The following RAVER2 variants were observed in gnomAD, a reference collection of about 807,000 sequenced individuals.
RAVER2 encodes the protein ribonucleoprotein, PTB binding 2.
Under a neutral mutation model 78.1 loss-of-function variants are expected in RAVER2, and 46 were observed. That is an observed-to-expected ratio of 0.59 (90% CI 0.46 to 0.75). The LOEUF is 0.75. Among genes scored for constraint, RAVER2 ranks in the 30% least tolerant of loss-of-function variants. RAVER2 has a pLI of 0.00. For synonymous variants in RAVER2, 311 were observed against 313.3 expected (o/e 0.99, Z 0.08); for missense variants, 793 against 837.5 (o/e 0.95, Z 0.66).
chr1:64,763,299 A>G (rs1249586631), intron 1 of RAVER2, among the ~76,000 whole-genome samples: 1 of 152,216 alleles, frequency 6.6e-6, no homozygotes, highest in Non-Finnish European at 1.5e-5. Flanking sequence ...TCCATCTCAA[A>G]AAAAAGAAAA....
At position 64,750,483 on chromosome 1, in the gene RAVER2, T is replaced by A. The variant is rs557221996; in HGVS notation, c.249+5062T>A. ...ACCACTGTGTCCAGCTAATATTTTT[T>A]AATTTTTTGTAGAGACACGGTCTCT... On this transcript the variant is annotated intron_variant, in intron 1 of 11. Coordinates refer to ENST00000294428, the Ensembl canonical transcript of RAVER2. Among the ~76,000 whole-genome samples, 19 of 152,146 alleles carry A rather than the reference T, an allele frequency of 1.2e-4. No homozygotes were observed. The South Asian group carries it at 3.7e-3, about 30-fold the overall frequency.
intron 11 of RAVER2, among the ~76,000 whole-genome samples, chr1:64,828,170 C>T (rs1199749231): frequency 7.7e-6 from 1 of 129,464 alleles, no homozygotes; most frequent in East Asian, 2.8e-4. Context: ...CCCCCCACCC[C>T]CCGCCCATTT....
At chr1:64,770,812 G>A (rs538491711) in intron 2 of RAVER2, among the ~76,000 whole-genome samples, 33 of 152,000 alleles carry the variant, frequency 2.2e-4, no homozygotes, top group African/African-American at 7.2e-4. Flanking sequence ...ACACTGGATA[G>A]GATTAATGGC....
chr1:64,826,414 A>G (rs763789096), intron 11 of RAVER2, among the ~76,000 whole-genome samples: 97 of 152,194 alleles, frequency 6.4e-4, no homozygotes, highest in Non-Finnish European at 1.3e-3. Context: ...TGCCACATGA[A>G]TATCTATGTA....
chr1:64,753,411 T>A (rs1223272765), intron 1 of RAVER2, among the ~76,000 whole-genome samples: 1 of 152,172 alleles, frequency 6.6e-6, no homozygotes, highest in Non-Finnish European at 1.5e-5. Context: ...GGTATCCTAT[T>A]CCATCTTCAG....
chr1:64,831,029 C>CTCTGCTGTTCA (rs1553156982), exon 12 of RAVER2: 1 of 1,563,456 alleles, frequency 6.4e-7, no homozygotes, highest in Non-Finnish European at 8.7e-7. Context: ...TCTGCAGTAT[C>CTCTGCTGTTCA]TCTGCTGTTC....
chr1:64,808,551 T>C (rs1415105338), intron 9 of RAVER2, among the ~76,000 whole-genome samples: 3 of 142,558 alleles, frequency 2.1e-5, no homozygotes, highest in Admixed American at 7.5e-5. Flanking sequence ...AACCTCTGCC[T>C]CCTGGGTTCA....
chr1:64,819,950 G>T (rs1653844237), intron 11 of RAVER2, among the ~76,000 whole-genome samples: 1 of 152,088 alleles, frequency 6.6e-6, no homozygotes, highest in South Asian at 2.1e-4. Flanking sequence ...AAACATGCAG[G>T]TGACTAAAAA....
At chr1:64,794,744 A>G (rs1403617127) in intron 5 of RAVER2, among the ~76,000 whole-genome samples, 2 of 152,080 alleles carry the variant, frequency 1.3e-5, no homozygotes, top group African/African-American at 4.8e-5. Context: ...TTTTACATAC[A>G]AGTACTCTGT....
chr1:64,787,735 C>T (rs1317165687), intron 4 of RAVER2, among the ~76,000 whole-genome samples: 1 of 152,182 alleles, frequency 6.6e-6, no homozygotes, highest in Non-Finnish European at 1.5e-5. Flanking sequence ...GTTTTCCCAC[C>T]TCACTGTCCT....
chr1:64,790,877 G>A (rs552604931), intron 5 of RAVER2, among the ~76,000 whole-genome samples: 1 of 152,158 alleles, frequency 6.6e-6, no homozygotes, highest in African/African-American at 2.4e-5. Context: ...TAACTACCTG[G>A]AGTTAGCACA....
At chr1:64,777,641 A>G in exon 3 of RAVER2, 4 of 1,609,464 alleles carry the variant, frequency 2.5e-6, no homozygotes, top group South Asian at 1.1e-5. Context: ...ACCTTATTGA[A>G]TGGGGAACAA....
At chr1:64,748,805 C>T (rs1000616859) in intron 1 of RAVER2, among the ~76,000 whole-genome samples, 1 of 151,996 alleles carries the variant, frequency 6.6e-6, no homozygotes, top group African/African-American at 2.4e-5. Flanking sequence ...GTGTGTTGGC[C>T]CCTGCCTACG....
chr1:64,776,941 AT>A (rs953069249), intron 2 of RAVER2, among the ~76,000 whole-genome samples: 2 of 152,118 alleles, frequency 1.3e-5, no homozygotes, highest in Admixed American at 6.6e-5. Flanking sequence ...AGGGCAGACT[AT>A]TTTTATTGTT....
chr1:64,750,846 T>G (rs1570521538), intron 1 of RAVER2, among the ~76,000 whole-genome samples: 1 of 152,374 alleles, frequency 6.6e-6, no homozygotes, highest in East Asian at 1.9e-4. Flanking sequence ...CTAATGCAAT[T>G]AAACAGAATT....
intron 1 of RAVER2, among the ~76,000 whole-genome samples, chr1:64,753,813 T>A (rs1348548397): frequency 6.6e-6 from 1 of 152,160 alleles, no homozygotes; most frequent in Non-Finnish European, 1.5e-5. Flanking sequence ...TGAGCCACCG[T>A]GCCCGGCCTC....
intron 5 of RAVER2, among the ~76,000 whole-genome samples, chr1:64,795,788 T>C (rs1013718084): frequency 1.1e-4 from 16 of 152,082 alleles, no homozygotes; most frequent in Admixed American, 7.2e-4. Flanking sequence ...GTATGGCTTC[T>C]ATTTTTTTCC....
At chr1:64,753,440 A>G (rs1237390707) in intron 1 of RAVER2, among the ~76,000 whole-genome samples, 2 of 152,054 alleles carry the variant, frequency 1.3e-5, no homozygotes, top group African/African-American at 4.8e-5. Flanking sequence ...CTTTGTTATA[A>G]AGGTCTTATT....
chr1:64,804,265 C>A lies in RAVER2; in HGVS notation c.1192-469C>A, dbSNP rs547552092. On this transcript the variant is annotated intron_variant, in intron 6 of 11. Coordinates refer to ENST00000294428, the Ensembl canonical transcript of RAVER2. ...TTCCTCCACTATTTGTTCTTATAGC[C>A]CCCTGTATTTTTCCTTCATGTGATT... is the stretch of plus-strand genomic sequence containing the variant. 3.3e-5 allele frequency among the ~76,000 whole-genome samples: 5 copies of A among 152,142 alleles called. No homozygotes were observed. The East Asian group carries it at 9.7e-4, about 29-fold the overall frequency.
Sources: gnomAD v4.1 joint callset for allele counts (sites outside exome capture counted in the v4.1 genomes callset) on GRCh38, gnomAD v4.1.1 for gene constraint, MANE v1.5 for transcripts, NCBI Gene and HGNC (gene_info 2026-07-23, HGNC 2026-07-21) for gene names.